Variants in C13orf42 observed in about 807,000 individuals in gnomAD.
The protein encoded by C13orf42 is uncharacterized protein C13orf42.
intron 1 of C13orf42, among the ~76,000 whole-genome samples, chr13:51,163,218 C>T (rs1890924): frequency 0.21 from 32,500 of 152,086 alleles, 4,085 homozygotes; most frequent in Admixed American, 0.31. Context: ...ACATTTCTGC[C>T]GCCTATGATC....
At chr13:51,097,748 A>ATT (rs113649039) in intron 1 of C13orf42, among the ~76,000 whole-genome samples, 9 of 145,912 alleles carry the variant, frequency 6.2e-5, no homozygotes, top group African/African-American at 1.8e-4. Context: ...CCCAATCTTG[A>ATT]TTTTTTTTTT....
At chr13:51,107,945 C>A (rs543515620) in intron 1 of C13orf42, among the ~76,000 whole-genome samples, 2 of 152,190 alleles carry the variant, frequency 1.3e-5, no homozygotes, top group Non-Finnish European at 2.9e-5. Context: ...TAACAAAGCA[C>A]CACAAACTGG....
chr13:51,119,372 T>C (rs9563026), intron 1 of C13orf42, among the ~76,000 whole-genome samples: 36,282 of 152,018 alleles, frequency 0.24, 4,746 homozygotes, highest in African/African-American at 0.35. Flanking sequence ...TCAGTGGGTG[T>C]GAATGGCTCA....
At chr13:51,142,085 T>C (rs9535583) in intron 1 of C13orf42, among the ~76,000 whole-genome samples, 13,870 of 152,296 alleles carry the variant, frequency 0.091, 955 homozygotes, top group East Asian at 0.27. Context: ...GCTTATGTAA[T>C]TTAATAAATA....
intron 1 of C13orf42, chr13:51,161,983 A>G (rs527496419): frequency 8.9e-6 from 4 of 447,652 alleles, no homozygotes; most frequent in African/African-American, 8.0e-5. Flanking sequence ...CTTGGCCTTT[A>G]TAGATCTTGT....
In C13orf42 at chr13:51,084,311, C is replaced by G. The variant is rs886246144; in HGVS notation, c.818G>C (p.Arg273Thr). Residue 273 changes from arginine (R) to threonine (T), a missense_variant, in exon 4 of 4, where the codon AGA (arginine) becomes ACA (threonine). Physicochemically the swap from Arg to Thr is moderately conservative, Grantham distance 71. Coordinates refer to ENST00000563710, the MANE Select transcript of C13orf42 (RefSeq NM_001351589.3). ...TCCTGAGAAGTTGAAAAGGATCTGT[C>G]TGGAGCTCCCCAGGCTAGAAGGAAG... is the stretch of plus-strand genomic sequence containing the variant. The part of the protein sequence containing the change: ...KACKKDLGSS[R>T]QILFNFSGED... The G allele has an allele frequency of 2.5e-6, 1 of 398,642 alleles. No individual in the cohort carries two copies. Among genetic ancestry groups the G allele is most frequent in the Admixed American group, 4.4e-5 (1 of 22,732 alleles). The allele number at this position is 398,642 out of a possible 1,614,324, so 24.7% of individuals were successfully genotyped here.
intron 1 of C13orf42, among the ~76,000 whole-genome samples, chr13:51,146,278 T>C (rs182954745): frequency 9.2e-5 from 14 of 152,294 alleles, no homozygotes; most frequent in African/African-American, 3.1e-4. Flanking sequence ...CAATCAGAGA[T>C]AACACAGGAA....
chr13:51,135,771 CATCTGCCTTCA>C (rs1191805795), intron 1 of C13orf42, among the ~76,000 whole-genome samples: 1 of 151,132 alleles, frequency 6.6e-6, no homozygotes, highest in Non-Finnish European at 1.5e-5. Context: ...TTCCAAGAGG[CATCTGCCTTCA>C]ATCTGCCTTC....
intron 1 of C13orf42, among the ~76,000 whole-genome samples, chr13:51,171,201 C>G (rs1430044770): frequency 6.6e-6 from 1 of 152,130 alleles, no homozygotes; most frequent in Non-Finnish European, 1.5e-5. Context: ...TCAACTCACA[C>G]CTGACCTAAA....
intron 1 of C13orf42, among the ~76,000 whole-genome samples, chr13:51,171,299 G>C (rs1953948957): frequency 6.6e-6 from 1 of 152,082 alleles, no homozygotes; most frequent in Non-Finnish European, 1.5e-5. Context: ...ATGGCACTTT[G>C]AATTTTTCCA....
At chr13:51,144,904 A>G (rs1166504174) in intron 1 of C13orf42, among the ~76,000 whole-genome samples, 1 of 152,232 alleles carries the variant, frequency 6.6e-6, no homozygotes, top group East Asian at 1.9e-4. Context: ...TCTTACTGCA[A>G]TGTATACAAA....
At chr13:51,102,313 G>A (rs1250309917) in intron 1 of C13orf42, among the ~76,000 whole-genome samples, 1 of 152,156 alleles carries the variant, frequency 6.6e-6, no homozygotes, top group Non-Finnish European at 1.5e-5. Flanking sequence ...TATCCCATAT[G>A]CAATTAATAT....
intron 1 of C13orf42, among the ~76,000 whole-genome samples, chr13:51,164,281 T>G (rs1953888708): frequency 6.6e-6 from 1 of 152,222 alleles, no homozygotes; most frequent in Non-Finnish European, 1.5e-5. Context: ...GTGTGGCTTG[T>G]TCACCATTGC....
rs1000610343 is a variant in C13orf42 at position 51,160,772 on chromosome 13, C to A, written n.136+11481G>T. Among the ~76,000 whole-genome samples the A allele has an allele frequency of 3.3e-5, 5 of 151,944 alleles. No homozygotes were observed. The East Asian group carries it at 5.8e-4, about 18-fold the overall frequency. ...TAGAAATATAAAGGAAATTCCTTAA[C>A]CTGATTTTTTAAATTATCTATTAAA... On this transcript the variant is annotated intron_variant and non_coding_transcript_variant, in intron 1 of 4. Transcript: ENST00000433280.
intron 1 of C13orf42, among the ~76,000 whole-genome samples, chr13:51,102,139 T>C (rs1024382074): frequency 6.6e-6 from 1 of 152,186 alleles, no homozygotes; most frequent in Non-Finnish European, 1.5e-5. Flanking sequence ...CTTTCAACTA[T>C]GTAAACCAGA....
intron 1 of C13orf42, among the ~76,000 whole-genome samples, chr13:51,164,093 T>C (rs9671114): frequency 0.029 from 4,382 of 152,310 alleles, 196 homozygotes; most frequent in East Asian, 0.2. Flanking sequence ...AATATACTTA[T>C]CCACCAAATC....
intron 1 of C13orf42, among the ~76,000 whole-genome samples, chr13:51,155,742 T>C (rs1437316540): frequency 6.6e-6 from 1 of 152,158 alleles, no homozygotes; most frequent in Admixed American, 6.5e-5. Context: ...TCAAAGACAA[T>C]CTCAACTGAT....
chr13:51,102,654 G>C (rs902301737), intron 1 of C13orf42, among the ~76,000 whole-genome samples: 1 of 152,182 alleles, frequency 6.6e-6, no homozygotes, highest in Non-Finnish European at 1.5e-5. Flanking sequence ...AAGCTACTCA[G>C]GGATCCATGA....
chr13:51,128,502 G>C (rs1403196405), intron 1 of C13orf42, among the ~76,000 whole-genome samples: 1 of 152,174 alleles, frequency 6.6e-6, no homozygotes, highest in African/African-American at 2.4e-5. Context: ...CAACTTAGGG[G>C]AGTTAAAGTC....
Sources: gnomAD v4.1 joint callset for allele counts (sites outside exome capture counted in the v4.1 genomes callset) on GRCh38, gnomAD v4.1.1 for gene constraint, MANE v1.5 for transcripts, NCBI Gene and HGNC (gene_info 2026-07-23, HGNC 2026-07-21) for gene names.